The following SCHIP1 variants were observed in gnomAD, a reference collection of about 807,000 sequenced individuals.
SCHIP1 encodes schwannomin-interacting protein 1.
In SCHIP1, 8 loss-of-function variants were observed where a neutral mutation model predicts 29.7. That is an observed-to-expected ratio of 0.27 (90% CI 0.16 to 0.49). The LOEUF (loss-of-function observed/expected upper bound fraction) is 0.49, where lower values mean the gene tolerates loss of function less well. Among genes scored for constraint, SCHIP1 ranks in the 20% least tolerant of loss-of-function variants. The pLI is 0.99. For synonymous variants in SCHIP1, 76 were observed against 94.9 expected (o/e 0.80, Z 1.16); for missense variants, 193 against 294.6 (o/e 0.66, Z 2.52).
the SCHIP1 span, among the ~76,000 whole-genome samples, chr3:159,428,929 A>C: frequency 6.6e-6 from 1 of 152,146 alleles, no homozygotes; most frequent in Admixed American, 6.5e-5. Context: ...CATCATTCTC[A>C]GTAAACTATC....
the SCHIP1 span, among the ~76,000 whole-genome samples, chr3:159,411,125 T>C: frequency 6.6e-6 from 1 of 152,160 alleles, no homozygotes; most frequent in East Asian, 1.9e-4. Context: ...TACCATAGGC[T>C]TAGAAGGGTA....
At chr3:159,834,825 A>C in the SCHIP1 span, among the ~76,000 whole-genome samples, 1 of 152,248 alleles carries the variant, frequency 6.6e-6, no homozygotes, top group African/African-American at 2.4e-5. Context: ...TATAAAGTGC[A>C]TATGAAACAA....
At chr3:159,515,035 T>C in the SCHIP1 span, among the ~76,000 whole-genome samples, 75 of 152,256 alleles carry the variant, frequency 4.9e-4, no homozygotes, top group African/African-American at 1.6e-3. Flanking sequence ...ATATCTATTT[T>C]CAAAACACAT....
chr3:159,466,181 A>C, the SCHIP1 span, among the ~76,000 whole-genome samples: 1 of 152,154 alleles, frequency 6.6e-6, no homozygotes, highest in African/African-American at 2.4e-5. Flanking sequence ...GAGCAGATAC[A>C]TGCAAATACA....
At chr3:159,424,877 G>A in the SCHIP1 span, among the ~76,000 whole-genome samples, 2 of 149,648 alleles carry the variant, frequency 1.3e-5, no homozygotes, top group African/African-American at 2.5e-5. Context: ...AGAGAGTGGG[G>A]GCCAATATTC....
At chr3:159,612,489 G>A in the SCHIP1 span, among the ~76,000 whole-genome samples, 1 of 152,196 alleles carries the variant, frequency 6.6e-6, no homozygotes, top group Non-Finnish European at 1.5e-5. Context: ...GCTCACTCCT[G>A]TAATCTCAGC....
rs180792804 is a variant in SCHIP1 at position 159,867,749 on chromosome 3, A to G, written c.149+1468A>G. Among the ~76,000 whole-genome samples the G allele has an allele frequency of 3.9e-5, 6 of 152,190 alleles. No homozygotes were observed. In the East Asian group the frequency reaches 1.2e-3, roughly 29 times the overall value. ...GAGATCTGAGGATTAGTCCTAGTAC[A>G]CTTCTAATTTTGAAACTTTAACAAT... On this transcript the variant is annotated intron_variant, in intron 2 of 6. Coordinates refer to ENST00000445224, the Ensembl canonical transcript of SCHIP1.
At chr3:159,716,216 C>T in the SCHIP1 span, among the ~76,000 whole-genome samples, 1 of 152,134 alleles carries the variant, frequency 6.6e-6, no homozygotes, top group East Asian at 1.9e-4. Flanking sequence ...ATTTTGACAC[C>T]ATCAGGTCTG....
At chr3:159,633,091 C>A in the SCHIP1 span, among the ~76,000 whole-genome samples, 2 of 152,168 alleles carry the variant, frequency 1.3e-5, no homozygotes, top group African/African-American at 2.4e-5. Context: ...AATTCCACAC[C>A]TTGGAATTTC....
chr3:159,475,932 C>T, the SCHIP1 span, among the ~76,000 whole-genome samples: 2 of 152,168 alleles, frequency 1.3e-5, no homozygotes, highest in Non-Finnish European at 2.9e-5. Flanking sequence ...AAGTAACCCT[C>T]AGTTTAGACA....
the SCHIP1 span, among the ~76,000 whole-genome samples, chr3:159,524,191 G>A: frequency 1.3e-5 from 2 of 152,206 alleles, no homozygotes; most frequent in Admixed American, 6.5e-5. Context: ...CATGAGGTGG[G>A]CATGGGTTGG....
the SCHIP1 span, among the ~76,000 whole-genome samples, chr3:159,795,959 T>A: frequency 6.6e-6 from 1 of 152,182 alleles, no homozygotes. Flanking sequence ...CCAGGCATAA[T>A]GAATCAAAAT....
At chr3:159,472,733 T>C in the SCHIP1 span, among the ~76,000 whole-genome samples, 1 of 152,192 alleles carries the variant, frequency 6.6e-6, no homozygotes, top group Non-Finnish European at 1.5e-5. Context: ...AATTGGCCCA[T>C]GTGCTGCCCA....
At chr3:159,692,190 T>C in the SCHIP1 span, among the ~76,000 whole-genome samples, 4 of 152,096 alleles carry the variant, frequency 2.6e-5, no homozygotes, top group Non-Finnish European at 5.9e-5. Context: ...GTGAATCTGA[T>C]GATTATGTGT....
Position 159,875,025 on chromosome 3 carries a change from AAAAAAAAC to A in SCHIP1, c.149+8750_149+8757del, listed in dbSNP as rs1290958332. ...AAAGGCCACTGGGTAGTCTAAAAAA[AAAAAAAAC>A]AAAAACTATCATTTTTTATGCCCCT... is the stretch of plus-strand genomic sequence containing the variant. On this transcript the variant is annotated intron_variant, in intron 2 of 6. Transcript: ENST00000445224. Among the ~76,000 whole-genome samples the A allele has an allele frequency of 6.0e-5, 9 of 151,212 alleles. No homozygotes were observed. The South Asian group carries it at 1.9e-3, about 32-fold the overall frequency.
chr3:159,818,718 G>C, the SCHIP1 span, among the ~76,000 whole-genome samples: 6 of 152,276 alleles, frequency 3.9e-5, no homozygotes, highest in Non-Finnish European at 8.8e-5. Context: ...CCTGTCCAAG[G>C]TCACAGAGCA....
At chr3:159,461,205 T>C in the SCHIP1 span, among the ~76,000 whole-genome samples, 1 of 152,142 alleles carries the variant, frequency 6.6e-6, no homozygotes. Flanking sequence ...CATCTTCAAC[T>C]ATCCTCTCTG....
the SCHIP1 span, among the ~76,000 whole-genome samples, chr3:159,467,733 AC>A: frequency 6.6e-6 from 1 of 152,116 alleles, no homozygotes; most frequent in Admixed American, 6.6e-5. Context: ...AACTAACCAA[AC>A]CTTTTAATTT....
At chr3:159,757,518 G>A in the SCHIP1 span, among the ~76,000 whole-genome samples, 1 of 152,160 alleles carries the variant, frequency 6.6e-6, no homozygotes, top group Non-Finnish European at 1.5e-5. Flanking sequence ...AGATGCCTTT[G>A]TGCTGTGTGG....
Sources: gnomAD v4.1 joint callset for allele counts (sites outside exome capture counted in the v4.1 genomes callset) on GRCh38, gnomAD v4.1.1 for gene constraint, MANE v1.5 for transcripts, NCBI Gene and HGNC (gene_info 2026-07-23, HGNC 2026-07-21) for gene names.